SORCS3: variants seen among roughly 807,000 people sequenced by gnomAD.
The protein encoded by SORCS3 is VPS10 domain-containing receptor SorCS3.
Under a neutral mutation model 146.3 loss-of-function variants are expected in SORCS3, and 57 were observed. The observed-to-expected ratio is 0.39, with a 90% CI of 0.31 to 0.49. The LOEUF is 0.49. Among genes scored for constraint, SORCS3 ranks in the 20% least tolerant of loss-of-function variants. The pLI is 0.92. For missense variants in SORCS3, 1,341 were observed against 1,575.5 expected (o/e 0.85, Z 2.52); for synonymous variants, 653 against 618.5 (o/e 1.06, Z -0.83).
intron 2 of SORCS3, among the ~76,000 whole-genome samples, chr10:104,889,193 G>A (rs961379375): frequency 4.0e-5 from 6 of 148,434 alleles, no homozygotes; most frequent in Admixed American, 1.3e-4. Flanking sequence ...TATATTTAAA[G>A]TGCATTTCTT....
At chr10:104,861,929 C>G (rs533745427) in intron 2 of SORCS3, among the ~76,000 whole-genome samples, 15 of 152,332 alleles carry the variant, frequency 9.8e-5, no homozygotes, top group African/African-American at 3.6e-4. Flanking sequence ...GAATCATCAC[C>G]TTACCTCTGC....
intron 4 of SORCS3, among the ~76,000 whole-genome samples, chr10:105,033,497 C>T (rs968696988): frequency 3.3e-5 from 5 of 152,262 alleles, no homozygotes; most frequent in African/African-American, 1.2e-4. Flanking sequence ...TGTTAAGCAG[C>T]TCAGTGGCAG....
At chr10:105,231,402 G>A (rs1333062147) in intron 20 of SORCS3, among the ~76,000 whole-genome samples, 1 of 152,152 alleles carries the variant, frequency 6.6e-6, no homozygotes, top group African/African-American at 2.4e-5. Flanking sequence ...ATTAGTCCCA[G>A]GAGATTTTTG....
chr10:105,184,375 C>T (rs997924399), intron 14 of SORCS3, among the ~76,000 whole-genome samples: 24 of 152,180 alleles, frequency 1.6e-4, no homozygotes, highest in Admixed American at 2.0e-4. Flanking sequence ...CCCCCCCAAC[C>T]ATTTAAAATG....
chr10:105,107,515 A>T (rs1409146201), intron 7 of SORCS3, among the ~76,000 whole-genome samples: 1 of 152,160 alleles, frequency 6.6e-6, no homozygotes, highest in Non-Finnish European at 1.5e-5. Flanking sequence ...AGATTTTTTT[A>T]AAAATTATTC....
chr10:105,078,165 A>G (rs2055600903), intron 5 of SORCS3, among the ~76,000 whole-genome samples: 1 of 152,240 alleles, frequency 6.6e-6, no homozygotes, highest in African/African-American at 2.4e-5. Flanking sequence ...CTAGAGATTA[A>G]TTAAATGAAT....
chr10:105,215,238 T>G (rs2056658122), intron 18 of SORCS3, among the ~76,000 whole-genome samples: 1 of 152,240 alleles, frequency 6.6e-6, no homozygotes, highest in East Asian at 1.9e-4. Context: ...ATATCTCTGT[T>G]GTCTGCTTCT....
intron 13 of SORCS3, among the ~76,000 whole-genome samples, chr10:105,174,409 A>G (rs1363384448): frequency 2.0e-5 from 3 of 152,098 alleles, no homozygotes; most frequent in Non-Finnish European, 4.4e-5. Context: ...ATATCACCTC[A>G]GGATATTTGA....
chr10:105,147,728 A>C lies in SORCS3; in HGVS notation c.1414A>C (p.Thr472Pro), dbSNP rs2056141627. 1 of 1,612,910 alleles carries C rather than the reference A, an allele frequency of 6.2e-7. No individual in the cohort carries two copies. Reference protein sequence around the residue: ...YISDTRGIYFTLAMENIKSSR... With the variant: ...YISDTRGIYFPLAMENIKSSR... Reference sequence around the variant, plus strand: ...CTCAGACACGCGTGGGATTTACTTCACTCTGGCCATGGAGAACATCAAGAG... The same window carrying C: ...CTCAGACACGCGTGGGATTTACTTCCCTCTGGCCATGGAGAACATCAAGAG... The change falls in exon 9 of 27, where the codon ACT becomes CCT. Residue 472 changes from threonine to proline, a missense_variant. Thr to Pro is a conservative substitution (Grantham distance 38). Coordinates refer to ENST00000369701, the MANE Select transcript of SORCS3 (RefSeq NM_014978.3).
chr10:104,861,615 G>C lies in SORCS3; in HGVS notation c.695+18756G>C, dbSNP rs1403846235. On this transcript the variant is annotated intron_variant, in intron 2 of 26. Coordinates refer to ENST00000369701, the MANE Select transcript of SORCS3 (RefSeq NM_014978.3). ...CACCTCCCCCGAGCCTACTTCTTTG[G>C]TGCTTGCCCCGGTGTGGAGGCAGCT... Among the ~76,000 whole-genome samples the C allele has an allele frequency of 2.0e-5, 3 of 152,278 alleles. No individual in the cohort carries two copies. In the South Asian group the frequency reaches 6.2e-4, roughly 32 times the overall value.
At chr10:104,747,328 C>T (rs559985430) in intron 1 of SORCS3, among the ~76,000 whole-genome samples, 30 of 152,150 alleles carry the variant, frequency 2.0e-4, no homozygotes, top group Non-Finnish European at 3.8e-4. Context: ...ATTAAGGAGT[C>T]CATTCAACAA....
intron 5 of SORCS3, among the ~76,000 whole-genome samples, chr10:105,052,524 G>T (rs1228826214): frequency 6.6e-6 from 1 of 152,104 alleles, no homozygotes; most frequent in Non-Finnish European, 1.5e-5. Context: ...GTCACAGTGG[G>T]TGAGATTTCA....
intron 1 of SORCS3, among the ~76,000 whole-genome samples, chr10:104,823,115 G>A (rs1394249589): frequency 1.3e-5 from 2 of 152,188 alleles, no homozygotes; most frequent in Non-Finnish European, 2.9e-5. Context: ...GCACTGGACA[G>A]GCAGTAACAA....
chr10:104,999,902 T>C (rs2055050655), intron 4 of SORCS3, among the ~76,000 whole-genome samples: 1 of 152,200 alleles, frequency 6.6e-6, no homozygotes, highest in South Asian at 2.1e-4. Context: ...CTTCTTGTGA[T>C]GGGCAGATGA....
rs139723601 is a variant in SORCS3 at position 104,861,716 on chromosome 10, A to T, written c.695+18857A>T. 5.7e-3 allele frequency among the ~76,000 whole-genome samples: 868 copies of T among 152,228 alleles called. 13 individuals carry two copies. Among genetic ancestry groups the T allele is most frequent in the African/African-American group, 0.019 (807 of 41,536 alleles). On this transcript the variant is annotated intron_variant, in intron 2 of 26. Transcript: ENST00000369701. The stretch of plus-strand genomic sequence containing the variant: ...TGGCAGGACGTCACCCAGTGGGAGG[A>T]TCAGGGAGGACGTTCCCAGGGGTGT...
intron 1 of SORCS3, among the ~76,000 whole-genome samples, chr10:104,760,430 G>A (rs1454646706): frequency 6.6e-6 from 1 of 152,086 alleles, no homozygotes; most frequent in Non-Finnish European, 1.5e-5. Flanking sequence ...GCATCAAGAA[G>A]CAACAAAGAA....
Position 104,709,750 on chromosome 10 carries a change from T to A in SORCS3, c.627+67796T>A, listed in dbSNP as rs78963878. On this transcript the variant is annotated intron_variant, in intron 1 of 26. Coordinates refer to ENST00000369701, the MANE Select transcript of SORCS3 (RefSeq NM_014978.3). The stretch of plus-strand genomic sequence containing the variant: ...CTGAAACTGTGCTAAATTGCAGGAC[T>A]CAAGTCATTTTGGGATACAATTAAT... 9.5e-3 allele frequency among the ~76,000 whole-genome samples: 1,446 copies of A among 152,280 alleles called. 20 individuals are homozygous for A. The highest frequency in any genetic ancestry group is 0.033 in the African/African-American group (1,369 of 41,554).
rs191400960 is a variant in SORCS3, at chr10:104,963,600, T to C, written c.796-13735T>C. 3.0e-3 allele frequency among the ~76,000 whole-genome samples: 460 copies of C among 152,292 alleles called. 2 individuals carry two copies. Among genetic ancestry groups the C allele is most frequent in the South Asian group, 0.018 (89 of 4,826 alleles). On this transcript the variant is annotated intron_variant, in intron 3 of 26. Coordinates refer to ENST00000369701, the MANE Select transcript of SORCS3 (RefSeq NM_014978.3). ...GCTGTCATGGTTATCTCCAGATTCA[T>C]GTCTTTAAGTGTTATTCAGACTCTG...
intron 2 of SORCS3, among the ~76,000 whole-genome samples, chr10:104,861,765 G>A (rs1201405067): frequency 2.6e-5 from 4 of 152,144 alleles, no homozygotes; most frequent in East Asian, 1.9e-4. Flanking sequence ...CCACCATAAC[G>A]CAGTAACACT....
Sources: gnomAD v4.1 joint callset for allele counts (sites outside exome capture counted in the v4.1 genomes callset) on GRCh38, gnomAD v4.1.1 for gene constraint, MANE v1.5 for transcripts, NCBI Gene and HGNC (gene_info 2026-07-23, HGNC 2026-07-21) for gene names.